HS3ST3A1: variants seen among roughly 807,000 people sequenced by gnomAD.
HS3ST3A1 encodes the protein heparan sulfate glucosamine 3-O-sulfotransferase 3A1.
HS3ST3A1 carries 19 observed loss-of-function variants against 25.7 expected under a neutral mutation model. That is an observed-to-expected ratio of 0.74 (90% confidence interval 0.52 to 1.08). The LOEUF is 1.08. HS3ST3A1 is among the 50% of genes least tolerant of loss of function. HS3ST3A1 has a pLI of 0.00. For missense variants in HS3ST3A1, 459 were observed against 594.3 expected, an observed-to-expected ratio of 0.77 and a Z score of 2.37; for synonymous variants, 226 against 278.6, an observed-to-expected ratio of 0.81 and a Z score of 1.88.
At chr17:13,515,425 G>A in intron 1 of HS3ST3A1, among the ~76,000 whole-genome samples, 1 of 150,430 alleles carries the variant, frequency 6.6e-6, no homozygotes, top group East Asian at 1.9e-4. Context: ...CTCCCAAAGT[G>A]CTGGGATTAC....
chr17:13,596,357 T>A (rs1908575288), intron 1 of HS3ST3A1, among the ~76,000 whole-genome samples: 1 of 151,076 alleles, frequency 6.6e-6, no homozygotes, highest in South Asian at 2.1e-4. Flanking sequence ...TCTCATAAAT[T>A]CCATCATTGT....
At chr17:13,544,950 C>T (rs1014461787) in intron 1 of HS3ST3A1, among the ~76,000 whole-genome samples, 5 of 152,184 alleles carry the variant, frequency 3.3e-5, no homozygotes, top group Non-Finnish European at 7.3e-5. Flanking sequence ...TTGGGCAATT[C>T]CCCCCAGAAC....
intron 1 of HS3ST3A1, among the ~76,000 whole-genome samples, chr17:13,523,352 G>A (rs928188467): frequency 1.3e-5 from 2 of 152,118 alleles, no homozygotes; most frequent in Non-Finnish European, 2.9e-5. Flanking sequence ...AACAAATAAC[G>A]TAGTAATGGG....
intron 1 of HS3ST3A1, among the ~76,000 whole-genome samples, chr17:13,498,333 A>G (rs550348693): frequency 6.6e-6 from 1 of 152,300 alleles, no homozygotes; most frequent in Admixed American, 6.5e-5. Context: ...AAGCAGCCTC[A>G]GAAGCAGAAG....
chr17:13,563,470 T>G (rs1327356087), intron 1 of HS3ST3A1, among the ~76,000 whole-genome samples: 1 of 152,160 alleles, frequency 6.6e-6, no homozygotes, highest in African/African-American at 2.4e-5. Context: ...GCAGGATGTA[T>G]GTAGGCATTT....
chr17:13,583,936 G>A (rs1908179982), intron 1 of HS3ST3A1, among the ~76,000 whole-genome samples: 1 of 152,210 alleles, frequency 6.6e-6, no homozygotes, highest in South Asian at 2.1e-4. Flanking sequence ...TCTCACTCCT[G>A]AGGGTTTTTG....
intron 1 of HS3ST3A1, among the ~76,000 whole-genome samples, chr17:13,530,205 T>C (rs1446328480): frequency 6.6e-6 from 1 of 152,168 alleles, no homozygotes; most frequent in Non-Finnish European, 1.5e-5. Flanking sequence ...ATATAGTTCT[T>C]ATTTTTAGCT....
At position 13,494,568 on chromosome 17, in the gene HS3ST3A1, T is replaced by C. The variant is rs1453785882; in HGVS notation, c.*1629A>G. Among the ~76,000 whole-genome samples, 1 of 152,216 alleles carries C rather than the reference T, an allele frequency of 6.6e-6. No individual in the cohort carries two copies. The highest frequency in any genetic ancestry group is 1.5e-5 in the Non-Finnish European group (1 of 68,028). On this transcript the variant is annotated 3_prime_UTR_variant, in exon 2 of 2. Coordinates refer to ENST00000284110, the MANE Select transcript of HS3ST3A1 (RefSeq NM_006042.3). The stretch of plus-strand genomic sequence containing the variant: ...AAAAAGAATATTATTTTAGAGTGTC[T>C]GGTCGTTTAAATTTTGGCAGATAAA...
At chr17:13,566,178 T>C (rs893231824) in intron 1 of HS3ST3A1, among the ~76,000 whole-genome samples, 5 of 152,350 alleles carry the variant, frequency 3.3e-5, no homozygotes, top group African/African-American at 1.2e-4. Flanking sequence ...ACATGCTGTG[T>C]CTCTGTGTCA....
At chr17:13,514,365 C>T (rs989035143) in intron 1 of HS3ST3A1, among the ~76,000 whole-genome samples, 2 of 151,826 alleles carry the variant, frequency 1.3e-5, no homozygotes, top group African/African-American at 4.8e-5. Flanking sequence ...AATAAATATC[C>T]ATCTTTGACT....
At chr17:13,578,210 A>T (rs1907996696) in intron 1 of HS3ST3A1, among the ~76,000 whole-genome samples, 1 of 152,030 alleles carries the variant, frequency 6.6e-6, no homozygotes, top group African/African-American at 2.4e-5. Flanking sequence ...CAGACAACAG[A>T]ATCCATGCAA....
intron 1 of HS3ST3A1, among the ~76,000 whole-genome samples, chr17:13,534,046 T>C (rs112359310): frequency 6.6e-5 from 10 of 152,330 alleles, no homozygotes; most frequent in Non-Finnish European, 1.3e-4. Flanking sequence ...AGTCTTGTTA[T>C]GAAACCATAA....
Position 13,495,953 on chromosome 17 carries a change from G to T in HS3ST3A1, c.*244C>A. Reference sequence around the variant, plus strand: ...CTTATACTTTATGACTGGGTATATAGAACATAAAATAAAAACTGAAAATTG... The same window carrying T: ...CTTATACTTTATGACTGGGTATATATAACATAAAATAAAAACTGAAAATTG... On this transcript the variant is annotated 3_prime_UTR_variant, in exon 2 of 2. Coordinates refer to ENST00000284110, the MANE Select transcript of HS3ST3A1 (RefSeq NM_006042.3). 4.7e-6 allele frequency: 2 copies of T among 429,096 alleles called. No homozygotes were observed. Among genetic ancestry groups the T allele is most frequent in the African/African-American group, 2.0e-5 (1 of 49,244 alleles). 26.6% of individuals were successfully genotyped at this position (429,096 alleles called of 1,614,324 possible). A position where few individuals can be genotyped will look rare whatever the true frequency, so the allele number is the denominator to read the frequency against.
intron 1 of HS3ST3A1, among the ~76,000 whole-genome samples, chr17:13,532,926 C>G (rs1040036672): frequency 6.9e-6 from 1 of 145,108 alleles, no homozygotes; most frequent in Non-Finnish European, 1.5e-5. Context: ...CACACACACA[C>G]ATGCTTTGAC....
At chr17:13,521,681 T>C (rs1311751250) in intron 1 of HS3ST3A1, among the ~76,000 whole-genome samples, 1 of 152,158 alleles carries the variant, frequency 6.6e-6, no homozygotes, top group East Asian at 1.9e-4. Context: ...TGGGCCTACT[T>C]TGTGGGGTCT....
rs143344639 is a variant in HS3ST3A1 at position 13,510,847 on chromosome 17, G to A, written c.600-14029C>T. Among the ~76,000 whole-genome samples, 1,317 of 152,218 alleles carry A rather than the reference G, an allele frequency of 8.7e-3. 21 individuals are homozygous for A. The highest frequency in any genetic ancestry group is 0.03 in the African/African-American group (1,251 of 41,536). The stretch of plus-strand genomic sequence containing the variant: ...AGCCTCCCGCGTAGCTGGGATTACA[G>A]GCACCCACCACCATGTCCTTGATTT... On this transcript the variant is annotated intron_variant, in intron 1 of 1. Transcript: ENST00000284110.
At chr17:13,536,590 C>T (rs9913253) in intron 1 of HS3ST3A1, among the ~76,000 whole-genome samples, 6,394 of 152,244 alleles carry the variant, frequency 0.042, 448 homozygotes, top group African/African-American at 0.14. Context: ...ATTAATGTTG[C>T]TAACTGACCA....
intron 1 of HS3ST3A1, among the ~76,000 whole-genome samples, chr17:13,578,330 C>A (rs1010635230): frequency 6.7e-6 from 1 of 149,126 alleles, no homozygotes; most frequent in Non-Finnish European, 1.5e-5. Context: ...GGCGGATCAC[C>A]TGAGGTCTGG....
chr17:13,523,728 A>G (rs1168315986), intron 1 of HS3ST3A1, among the ~76,000 whole-genome samples: 2 of 152,186 alleles, frequency 1.3e-5, no homozygotes, highest in Non-Finnish European at 2.9e-5. Context: ...TTTGTTTCCC[A>G]CAGAGAGTTT....
Sources: gnomAD v4.1 joint callset for allele counts (sites outside exome capture counted in the v4.1 genomes callset) on GRCh38, gnomAD v4.1.1 for gene constraint, MANE v1.5 for transcripts, NCBI Gene and HGNC (gene_info 2026-07-23, HGNC 2026-07-21) for gene names.